Variants in KIAA1217 observed in about 807,000 individuals in gnomAD.
KIAA1217 encodes the protein sickle tail protein homolog.
A neutral mutation model predicts 163.9 loss-of-function variants in KIAA1217; 88 were observed. That is an observed-to-expected ratio of 0.54 (90% confidence interval 0.45 to 0.64). The LOEUF (loss-of-function observed/expected upper bound fraction) is 0.64, where lower values mean the gene tolerates loss of function less well. Ranked by LOEUF, KIAA1217 falls within the 30% of genes least tolerant of loss-of-function variation. The probability of loss-of-function intolerance (pLI) is 0.00; values close to 1 mark genes in which losing one functional copy is unlikely to be tolerated. For synonymous variants in KIAA1217, 903 were observed against 923.1 expected, an observed-to-expected ratio of 0.98 and a Z score of 0.39; for missense variants, 2,372 against 2,475.0, an observed-to-expected ratio of 0.96 and a Z score of 0.88.
chr10:24,544,984 T>C lies in KIAA1217; in HGVS notation c.5215T>C (p.Ser1739Pro), dbSNP rs2075570071. 6.2e-7 allele frequency: 1 copy of C among 1,613,856 alleles called. No homozygotes were observed. Among genetic ancestry groups the C allele is most frequent in the Admixed American group, 1.7e-5 (1 of 59,970 alleles). Reference sequence around the variant, plus strand: ...CTCTCACTGGTCCTTCCCACAGGGCTCCAGCGGGGCCCCACAGACGAGCAG... The same window carrying C: ...CTCTCACTGGTCCTTCCCACAGGGCCCCAGCGGGGCCCCACAGACGAGCAG... The part of the protein sequence containing the change: ...TSIPSASRKG[S>P]SGAPQTSRMP... The change falls in exon 20 of 21, where the codon TCC becomes CCC. Residue 1739 changes from serine to proline, a missense_variant. This residue lies in a region of KIAA1217 where 690 missense variants were observed against 677.5 expected (regional missense o/e 1.02). Transcript: ENST00000376454.
At chr10:24,079,909 A>G (rs1564675682) in intron 2 of KIAA1217, among the ~76,000 whole-genome samples, 1 of 152,204 alleles carries the variant, frequency 6.6e-6, no homozygotes, top group African/African-American at 2.4e-5. Context: ...AAACCACAAC[A>G]TCCTGGCACA....
At chr10:24,031,920 T>G (rs1176199057) in intron 2 of KIAA1217, among the ~76,000 whole-genome samples, 2 of 152,016 alleles carry the variant, frequency 1.3e-5, no homozygotes, top group East Asian at 3.9e-4. Context: ...GTTTATTCAG[T>G]TTTGCTCATG....
intron 5 of KIAA1217, among the ~76,000 whole-genome samples, chr10:24,472,002 C>T (rs995550148): frequency 3.3e-5 from 5 of 151,668 alleles, no homozygotes; most frequent in African/African-American, 7.3e-5. Context: ...GGTCGATTAA[C>T]GCATAGCTTG....
intron 1 of KIAA1217, among the ~76,000 whole-genome samples, chr10:23,757,574 G>A (rs1833986735): frequency 1.3e-5 from 2 of 152,184 alleles, no homozygotes; most frequent in South Asian, 4.1e-4. Flanking sequence ...CTGGAGTGCA[G>A]TGGCGTGATC....
At chr10:24,026,527 A>G (rs961152133) in intron 2 of KIAA1217, among the ~76,000 whole-genome samples, 5 of 151,820 alleles carry the variant, frequency 3.3e-5, no homozygotes, top group East Asian at 1.9e-4. Flanking sequence ...AATTTTATAT[A>G]TGTTTTCAAA....
rs533977440 is a variant in KIAA1217 at position 24,093,580 on chromosome 10, A to C, written c.-171+86206A>C. Reference sequence around the variant, plus strand: ...CGGCCTCCCAAAGTGCTGGGATTACAGGTGTGAGCCACGGCACTTGGCACT... The same window carrying C: ...CGGCCTCCCAAAGTGCTGGGATTACCGGTGTGAGCCACGGCACTTGGCACT... On this transcript the variant is annotated intron_variant, in intron 2 of 18. Coordinates refer to the KIAA1217 transcript ENST00000376462. Among the ~76,000 whole-genome samples, 14 of 151,636 alleles carry C rather than the reference A, an allele frequency of 9.2e-5. No individual in the cohort carries two copies. In the South Asian group the frequency reaches 2.5e-3, roughly 27 times the overall value.
At chr10:24,043,836 G>A (rs766473455) in intron 2 of KIAA1217, among the ~76,000 whole-genome samples, 8 of 152,098 alleles carry the variant, frequency 5.3e-5, no homozygotes, top group Non-Finnish European at 1.0e-4. Context: ...TTTTCATGGC[G>A]ACCTGTGAGA....
intron 1 of KIAA1217, among the ~76,000 whole-genome samples, chr10:23,963,319 T>C (rs1844900942): frequency 6.6e-6 from 1 of 152,264 alleles, no homozygotes; most frequent in South Asian, 2.1e-4. Flanking sequence ...CCTGTGTCCA[T>C]GAGTTATCAT....
chr10:23,763,564 G>T (rs920760642), intron 1 of KIAA1217, among the ~76,000 whole-genome samples: 1 of 152,146 alleles, frequency 6.6e-6, no homozygotes, highest in African/African-American at 2.4e-5. Flanking sequence ...AACTGAAACT[G>T]GTCCCCTTCC....
Position 23,790,053 on chromosome 10 carries a change from A to G in KIAA1217, c.-321+94819A>G, listed in dbSNP as rs530185819. Among the ~76,000 whole-genome samples the G allele has an allele frequency of 1.0e-4, 12 of 118,870 alleles. 2 individuals are homozygous for G. The highest frequency in any genetic ancestry group is 4.2e-4 in the African/African-American group (11 of 26,306). The allele number at this position is 118,870 out of a possible 152,430, so 78.0% of individuals were successfully genotyped here. On this transcript the variant is annotated intron_variant, in intron 1 of 18. Coordinates refer to the KIAA1217 transcript ENST00000376462. ...TATACACATATACATATGCATATAC[A>G]CATATACACATATGCATATACACAT... is the stretch of plus-strand genomic sequence containing the variant.
intron 2 of KIAA1217, among the ~76,000 whole-genome samples, chr10:24,096,399 C>G (rs947016678): frequency 5.3e-5 from 8 of 152,202 alleles, no homozygotes; most frequent in African/African-American, 1.9e-4. Context: ...CACTCCTCCT[C>G]CTATTTAGTC....
At chr10:24,155,664 A>C (rs965805398) in intron 2 of KIAA1217, among the ~76,000 whole-genome samples, 3 of 152,104 alleles carry the variant, frequency 2.0e-5, no homozygotes, top group Non-Finnish European at 2.9e-5. Context: ...CTACTAAAAA[A>C]TACAAAAATT....
At chr10:23,955,199 A>T (rs1844508654) in intron 1 of KIAA1217, among the ~76,000 whole-genome samples, 1 of 152,194 alleles carries the variant, frequency 6.6e-6, no homozygotes, top group African/African-American at 2.4e-5. Flanking sequence ...TGAATTCAAA[A>T]CCAAGTGACT....
At chr10:24,424,534 C>T (rs1258023184) in intron 3 of KIAA1217, among the ~76,000 whole-genome samples, 1 of 152,198 alleles carries the variant, frequency 6.6e-6, no homozygotes, top group Non-Finnish European at 1.5e-5. Flanking sequence ...CCATTTCTAC[C>T]GTTGCCTCTA....
chr10:23,844,804 T>C (rs1838943415), intron 1 of KIAA1217, among the ~76,000 whole-genome samples: 1 of 152,044 alleles, frequency 6.6e-6, no homozygotes, highest in South Asian at 2.1e-4. Flanking sequence ...TTTTGTTACA[T>C]AGGTATACAC....
intron 1 of KIAA1217, among the ~76,000 whole-genome samples, chr10:23,829,830 T>C (rs1429281836): frequency 6.6e-6 from 1 of 152,210 alleles, no homozygotes; most frequent in Non-Finnish European, 1.5e-5. Flanking sequence ...AAAATATTTA[T>C]AGTGAAGATA....
intron 2 of KIAA1217, among the ~76,000 whole-genome samples, chr10:24,109,041 AG>A (rs60462984): frequency 0.049 from 7,493 of 152,246 alleles, 542 homozygotes; most frequent in African/African-American, 0.16. Flanking sequence ...CATGTTGGCC[AG>A]GCTGCTCTTG....
chr10:24,450,383 A>G (rs768257087), intron 5 of KIAA1217, among the ~76,000 whole-genome samples: 12 of 152,270 alleles, frequency 7.9e-5, no homozygotes, highest in Non-Finnish European at 1.5e-4. Context: ...CAAGCTTGAT[A>G]TAACAAATCT....
rs1564619088 is a variant in KIAA1217, at chr10:24,402,524, AAAAC to A, written c.553+21461_553+21464del. ...ACTCCCTCTCAAAAAAACAAAAAAC[AAAAC>A]AAAAAAAAAAAAAAGGCAAAGGAGT... is the stretch of plus-strand genomic sequence containing the variant. On this transcript the variant is annotated intron_variant, in intron 3 of 20. Transcript: ENST00000376454. Among the ~76,000 whole-genome samples the A allele has an allele frequency of 3.4e-4, 24 of 71,352 alleles. No individual in the cohort carries two copies. The East Asian group carries it at 0.011, about 33-fold the overall frequency. The allele number at this position is 71,352 out of a possible 152,430, so 46.8% of individuals were successfully genotyped here.
Sources: gnomAD v4.1 joint callset for allele counts (sites outside exome capture counted in the v4.1 genomes callset) on GRCh38, gnomAD v4.1.1 for gene constraint, gnomAD v4.1.1 regional missense constraint, MANE v1.5 for transcripts, NCBI Gene and HGNC (gene_info 2026-07-23, HGNC 2026-07-21) for gene names.